The following PYGB variants were observed in gnomAD, a reference collection of about 807,000 sequenced individuals.
PYGB encodes the protein glycogen phosphorylase B, also known as glycogen phosphorylase, brain form.
PYGB carries 82 observed loss-of-function variants against 94.3 expected under a neutral mutation model. That is an observed-to-expected ratio of 0.87 (90% CI 0.73 to 1.04). The LOEUF (loss-of-function observed/expected upper bound fraction) is 1.04. PYGB is among the 50% of genes least tolerant of loss of function. PYGB has a pLI of 0.00. For missense variants in PYGB, 1,132 were observed against 1,158.2 expected, an observed-to-expected ratio of 0.98 and a Z score of 0.33; for synonymous variants, 488 against 479.1, an observed-to-expected ratio of 1.02 and a Z score of -0.24.
chr20:25,258,661 C>T (rs2092907361), intron 1 of PYGB, among the ~76,000 whole-genome samples: 1 of 152,254 alleles, frequency 6.6e-6, no homozygotes, highest in Admixed American at 6.5e-5. Flanking sequence ...TGGCATAGAG[C>T]TGGCTCATGT....
chr20:25,294,364 T>A (rs2088507317), intron 18 of PYGB, 72 bp downstream of exon 18: 1 of 1,491,128 alleles, frequency 6.7e-7, no homozygotes, highest in Non-Finnish European at 9.2e-7. Flanking sequence ...GTGGGTTGGA[T>A]ATTCCACCTT....
chr20:25,268,161 G>GCCCCCC (rs11471520), intron 2 of PYGB, among the ~76,000 whole-genome samples: 25 of 62,060 alleles, frequency 4.0e-4, no homozygotes, highest in Middle Eastern at 7.4e-3. Context: ...CCTAGCACCC[G>GCCCCCC]CCCCCCCCCC....
chr20:25,267,126 T>A (rs888220037), intron 2 of PYGB, among the ~76,000 whole-genome samples: 2 of 152,188 alleles, frequency 1.3e-5, no homozygotes, highest in Admixed American at 6.5e-5. Flanking sequence ...AAATGTGGGC[T>A]AGCCATACAA....
intron 15 of PYGB, 45 bp from the exon 16 acceptor site, chr20:25,290,436 G>A (rs372045265): frequency 1.6e-5 from 26 of 1,591,904 alleles, no homozygotes; most frequent in African/African-American, 4.0e-5. Flanking sequence ...CCAAGGGCCT[G>A]AACAAGGCAT....
Position 25,280,362 on chromosome 20 carries a change from C to T in PYGB, c.1189C>T (p.Leu397=), listed in dbSNP as rs772949740. ...RWPVSMFEKL[L]PRHLEIIYAI... ...GCCCGTGTCCATGTTTGAGAAGCTGCTGCCGCGGCACCTGGAGATAATCTA... is the reference window on the plus strand; with the variant it reads ...GCCCGTGTCCATGTTTGAGAAGCTGTTGCCGCGGCACCTGGAGATAATCTA... The change falls in exon 10 of 20, where the codon CTG becomes TTG. Residue 397 remains leucine (L), a synonymous_variant. Coordinates refer to ENST00000216962, the MANE Select transcript of PYGB (RefSeq NM_002862.4). 1 of 1,614,212 alleles carries T rather than the reference C, an allele frequency of 6.2e-7. No homozygotes were observed. The highest frequency in any genetic ancestry group is 2.2e-5 in the East Asian group (1 of 44,894).
rs2088503885 is a variant in PYGB at position 25,294,247 on chromosome 20, C to G, written c.2267C>G (p.Pro756Arg). The change falls in exon 18 of 20, where the codon CCA becomes CGA. Residue 756 changes from proline to arginine, a missense_variant. Physicochemically the swap from Pro to Arg is moderately radical, Grantham distance 103. Coordinates refer to ENST00000216962, the MANE Select transcript of PYGB (RefSeq NM_002862.4). The stretch of plus-strand genomic sequence containing the variant: ...AGTGGCTTTTTTTCTCCCAAGGAGC[C>G]AGACTGCTTCAAGGACATCGTGAAC... Reference protein sequence around the residue: ...ISSGFFSPKEPDCFKDIVNML... With the variant: ...ISSGFFSPKERDCFKDIVNML... 6.2e-7 allele frequency: 1 copy of G among 1,602,642 alleles called. No individual in the cohort carries two copies. Among genetic ancestry groups the G allele is most frequent in the Non-Finnish European group, 8.5e-7 (1 of 1,173,116 alleles).
rs371336771 is a variant in PYGB at position 25,252,659 on chromosome 20, T to C, written c.243+4238T>C. On this transcript the variant is annotated intron_variant, in intron 1 of 19. Transcript: ENST00000216962. ...CCCAGGAACAGCCAGATAGAAGATA[T>C]GCAGAGGGCAGGTCTGAGGGAGGGT... Among the ~76,000 whole-genome samples the C allele has an allele frequency of 6.6e-5, 10 of 152,366 alleles. No individual in the cohort carries two copies. The South Asian group carries it at 2.1e-3, about 32-fold the overall frequency.
intron 2 of PYGB, among the ~76,000 whole-genome samples, chr20:25,264,093 G>T (rs74541616): frequency 6.6e-6 from 1 of 152,216 alleles, no homozygotes; most frequent in African/African-American, 2.4e-5. Context: ...ATCAAGTGGG[G>T]TTCATCCCTG....
intron 3 of PYGB, among the ~76,000 whole-genome samples, chr20:25,270,289 C>G (rs1487786389): frequency 6.7e-6 from 1 of 149,662 alleles, no homozygotes; most frequent in Non-Finnish European, 1.5e-5. Flanking sequence ...GCAAGCTCCG[C>G]CTCCCGGTTT....
chr20:25,268,108 C>G (rs67920646), intron 2 of PYGB, among the ~76,000 whole-genome samples: 11,295 of 146,454 alleles, frequency 0.077, 467 homozygotes, highest in Middle Eastern at 0.12. Context: ...TGTAGTTAAA[C>G]TTATTTCTTA....
At chr20:25,263,086 G>T (rs545252224) in intron 2 of PYGB, among the ~76,000 whole-genome samples, 3 of 152,270 alleles carry the variant, frequency 2.0e-5, no homozygotes, top group Admixed American at 2.0e-4. Flanking sequence ...GGATACCCAG[G>T]AATTGAACTC....
intron 19 of PYGB, 45 bp from the exon 20 acceptor site, chr20:25,296,325 C>T (rs941913000): frequency 1.2e-6 from 2 of 1,610,096 alleles, no homozygotes; most frequent in Admixed American, 1.7e-5. Context: ...TTAGCAGCCC[C>T]AAGCCCTGTG....
At position 25,280,951 on chromosome 20, in the gene PYGB, C is replaced by G. The variant is rs190796467; in HGVS notation, c.1242C>G (p.His414Gln). 6.2e-7 allele frequency: 1 copy of G among 1,613,694 alleles called. No individual in the cohort carries two copies. The highest frequency in any genetic ancestry group is 8.5e-7 in the Non-Finnish European group (1 of 1,179,754). ...IYAINQRHLDHVAALFPGDVD... is the reference protein window; with the variant it reads ...IYAINQRHLDQVAALFPGDVD... Reference sequence around the variant, plus strand: ...CTGCCTCTGTGTTTTGGCACCAGCACGTGGCCGCGCTGTTTCCCGGCGATG... The same window carrying G: ...CTGCCTCTGTGTTTTGGCACCAGCAGGTGGCCGCGCTGTTTCCCGGCGATG... The change falls in exon 11 of 20, where the codon CAC becomes CAG. Residue 414 changes from histidine to glutamine, a missense_variant and splice_region_variant. By Grantham distance (24) the His-to-Gln change is conservative. Transcript: ENST00000216962.
chr20:25,264,663 A>G (rs1600725326), intron 2 of PYGB, among the ~76,000 whole-genome samples: 1 of 152,280 alleles, frequency 6.6e-6, no homozygotes, highest in Non-Finnish European at 1.5e-5. Flanking sequence ...TCATGAGTGA[A>G]CTCCCATTCA....
chr20:25,280,466 G>T, intron 10 of PYGB, 54 bp downstream of exon 10: 1 of 1,586,848 alleles, frequency 6.3e-7, no homozygotes. Flanking sequence ...CATGCCAACG[G>T]CCCCCCACCT....
rs776369883 is a variant in PYGB, at chr20:25,277,345, C to G, written c.855+19C>G. ...TGATAACGTGAGTAGCTGGCCTGGG[C>G]ACTCTTGCTCAGGCCGTATCGCTTT... On this transcript the variant is annotated intron_variant, in intron 7 of 19. Transcript: ENST00000216962. The G allele has an allele frequency of 1.3e-6, 2 of 1,532,530 alleles. No individual in the cohort carries two copies. Among genetic ancestry groups the G allele is most frequent in the African/African-American group, 2.7e-5 (2 of 73,004 alleles). The allele number at this position is 1,532,530 out of a possible 1,614,324, so 94.9% of individuals were successfully genotyped here.
chr20:25,271,644 C>T (rs1034546058), intron 4 of PYGB, among the ~76,000 whole-genome samples, 158 bp downstream of exon 4: 2 of 152,302 alleles, frequency 1.3e-5, no homozygotes, highest in East Asian at 1.9e-4. Flanking sequence ...ATCCTTGCTC[C>T]GGCTTCTTGG....
At chr20:25,255,796 CG>C (rs2092901184) in intron 1 of PYGB, among the ~76,000 whole-genome samples, 1 of 151,386 alleles carries the variant, frequency 6.6e-6, no homozygotes. Context: ...TGCAGTGGCG[CG>C]ATCTCTACTC....
At chr20:25,264,588 A>C (rs968768276) in intron 2 of PYGB, among the ~76,000 whole-genome samples, 3 of 152,234 alleles carry the variant, frequency 2.0e-5, no homozygotes, top group Non-Finnish European at 2.9e-5. Flanking sequence ...CTCAGGATAC[A>C]AAATCAATGT....
Sources: allele counts gnomAD v4.1 joint callset (sites outside exome capture counted in the v4.1 genomes callset), GRCh38; gene constraint gnomAD v4.1.1; transcripts MANE v1.5; gene names NCBI Gene and HGNC (gene_info 2026-07-23, HGNC 2026-07-21).